The following SMARCA2 variants were observed in gnomAD, a reference collection of about 807,000 sequenced individuals.
The protein encoded by SMARCA2 is SWI/SNF related BAF chromatin remodeling complex subunit ATPase 2, also known as SWI/SNF-related matrix-associated actin-dependent regulator of chromatin subfamily A member 2.
Under a neutral mutation model 199.8 loss-of-function variants are expected in SMARCA2, and 61 were observed. That is an observed-to-expected ratio of 0.31 (90% confidence interval 0.25 to 0.38). SMARCA2 has a LOEUF of 0.38. SMARCA2 is among the 10% of genes least tolerant of loss of function. The pLI is 1.00. For synonymous variants in SMARCA2, 935 were observed against 732.0 expected, an observed-to-expected ratio of 1.28 and a Z score of -4.48; for missense variants, 1,344 against 2,012.2, an observed-to-expected ratio of 0.67 and a Z score of 6.35.
chr9:2,057,618 A>C (rs958027668), intron 7 of SMARCA2, among the ~76,000 whole-genome samples: 5 of 152,226 alleles, frequency 3.3e-5, no homozygotes, highest in Admixed American at 1.3e-4. Context: ...TGAAGGGCCT[A>C]GTTGAATGTT....
intron 25 of SMARCA2, among the ~76,000 whole-genome samples, chr9:2,117,585 G>A (rs577998931): frequency 1.2e-4 from 18 of 152,300 alleles, no homozygotes; most frequent in Admixed American, 6.5e-4. Flanking sequence ...TCAGCCAGTC[G>A]TCTCCACTAC....
At chr9:2,134,493 A>T (rs1453818177) in intron 27 of SMARCA2, among the ~76,000 whole-genome samples, 2 of 152,120 alleles carry the variant, frequency 1.3e-5, no homozygotes, top group African/African-American at 2.4e-5. Flanking sequence ...CCGCCTGCCA[A>T]CCTATACCCA....
At position 2,179,327 on chromosome 9, in the gene SMARCA2, G is replaced by C. The variant is rs570018947; in HGVS notation, c.4254-2244G>C. ...TGATGGAAACAACATATCCCAAGAA[G>C]TCTTCCATAGATAACTTCCAGGTCC... On this transcript the variant is annotated intron_variant, in intron 29 of 33. Transcript: ENST00000349721. 3.9e-5 allele frequency among the ~76,000 whole-genome samples: 6 copies of C among 152,334 alleles called. No homozygotes were observed. In the South Asian group the frequency reaches 1.2e-3, roughly 32 times the overall value.
At chr9:2,132,403 T>C (rs1824002459) in intron 27 of SMARCA2, among the ~76,000 whole-genome samples, 3 of 152,212 alleles carry the variant, frequency 2.0e-5, no homozygotes, top group Non-Finnish European at 2.9e-5. Context: ...GTGATTCTCG[T>C]AGATGTACTT....
chr9:2,127,678 G>C (rs57847257), intron 27 of SMARCA2, among the ~76,000 whole-genome samples: 1 of 152,154 alleles, frequency 6.6e-6, no homozygotes, highest in East Asian at 1.9e-4. Context: ...AGCTGCAAAG[G>C]AGATGGAAAT....
At chr9:2,101,809 C>G (rs1021978196) in intron 22 of SMARCA2, among the ~76,000 whole-genome samples, 193 bp downstream of exon 22, 2 of 152,206 alleles carry the variant, frequency 1.3e-5, no homozygotes, top group African/African-American at 4.8e-5. Context: ...TTGCCTTAAG[C>G]AAGTGGCTAT....
At chr9:2,111,506 AAAAAG>A (rs1375957266) in intron 24 of SMARCA2, among the ~76,000 whole-genome samples, 1 of 151,194 alleles carries the variant, frequency 6.6e-6, no homozygotes, top group Non-Finnish European at 1.5e-5. Context: ...AAAAAAAAAA[AAAAAG>A]AAAAGCAAAA....
chr9:2,124,010 G>A, intron 27 of SMARCA2, 73 bp downstream of exon 27: 1 of 1,245,208 alleles, frequency 8.0e-7, no homozygotes, highest in East Asian at 2.5e-5. Context: ...CAGGGGCCTA[G>A]AGCTGGGATT....
chr9:2,113,848 C>G (rs556581764), intron 24 of SMARCA2, among the ~76,000 whole-genome samples: 4 of 152,354 alleles, frequency 2.6e-5, no homozygotes, highest in Non-Finnish European at 4.4e-5. Flanking sequence ...CAGCAATCTA[C>G]TACTCGCGGG....
chr9:2,138,212 C>G (rs1199491566), intron 27 of SMARCA2, among the ~76,000 whole-genome samples: 1 of 151,886 alleles, frequency 6.6e-6, no homozygotes, highest in Non-Finnish European at 1.5e-5. Flanking sequence ...ATACATCTAA[C>G]TTAAAATTAA....
Position 2,104,069 on chromosome 9 carries a change from G to T in SMARCA2, c.3192G>T (p.Ala1064=), listed in dbSNP as rs770885495. 1.5e-5 allele frequency: 24 copies of T among 1,613,844 alleles called. No individual in the cohort carries two copies. Among genetic ancestry groups the T allele is most frequent in the Middle Eastern group, 3.3e-4 (2 of 6,084 alleles). The change falls in exon 23 of 34, where the codon GCG becomes GCT. Residue 1064 remains alanine, a synonymous_variant. Transcript: ENST00000349721. The surrounding 1 kb of genome is among the most constrained non-coding windows in gnomAD (Gnocchi z 4.0). ...ATCGTATTCTGCCAAAATTGAGAGC[G>T]ACTAATCACCGAGTGCTGCTTTTCT... is the stretch of plus-strand genomic sequence containing the variant. ...LLDRILPKLR[A]TNHRVLLFCQ...
chr9:2,167,086 T>A (rs549197112), intron 28 of SMARCA2, among the ~76,000 whole-genome samples: 2 of 152,346 alleles, frequency 1.3e-5, no homozygotes, highest in East Asian at 3.9e-4. Flanking sequence ...CATATTGAAA[T>A]TGGGACATTT....
intron 28 of SMARCA2, among the ~76,000 whole-genome samples, chr9:2,163,628 A>C (rs890137413): frequency 2.0e-5 from 3 of 152,230 alleles, no homozygotes; most frequent in African/African-American, 7.2e-5. Flanking sequence ...CTGTATATAC[A>C]TCAAACTTTT....
intron 1 of SMARCA2, among the ~76,000 whole-genome samples, chr9:2,018,887 G>C (rs933918548): frequency 5.9e-5 from 9 of 152,232 alleles, no homozygotes; most frequent in Non-Finnish European, 1.3e-4. Flanking sequence ...TGGAGTTTTA[G>C]GCTTCCAGGC....
intron 6 of SMARCA2, 141 bp downstream of exon 6, chr9:2,054,864 A>C: frequency 1.2e-6 from 1 of 839,188 alleles, no homozygotes; most frequent in East Asian, 2.8e-5. Context: ...TGAATCTTTT[A>C]GACCAACAGC....
chr9:2,018,781 G>GT (rs1034353855), intron 1 of SMARCA2, among the ~76,000 whole-genome samples: 18 of 152,318 alleles, frequency 1.2e-4, no homozygotes, highest in African/African-American at 4.3e-4. Context: ...CCAATGTTAT[G>GT]TGTGTGTATA....
intron 28 of SMARCA2, among the ~76,000 whole-genome samples, chr9:2,164,166 C>T (rs928544979): frequency 6.6e-6 from 1 of 152,164 alleles, no homozygotes; most frequent in Non-Finnish European, 1.5e-5. Context: ...GCCCGACTCA[C>T]TTCATTCATT....
intron 19 of SMARCA2, among the ~76,000 whole-genome samples, chr9:2,092,632 C>T (rs1474264591): frequency 6.6e-6 from 1 of 152,154 alleles, no homozygotes; most frequent in African/African-American, 2.4e-5. Flanking sequence ...AATGCTGAGC[C>T]AGTATAATGA....
chr9:2,049,967 A>G (rs923095464), intron 5 of SMARCA2, among the ~76,000 whole-genome samples: 1 of 152,218 alleles, frequency 6.6e-6, no homozygotes, highest in African/African-American at 2.4e-5. Flanking sequence ...AGCAAAAATC[A>G]TCTGTCAGAA....
Sources: gnomAD v4.1 joint callset for allele counts (sites outside exome capture counted in the v4.1 genomes callset) on GRCh38, gnomAD v4.1.1 for gene constraint, Gnocchi (gnomAD v3.1) non-coding constraint, MANE v1.5 for transcripts, NCBI Gene and HGNC (gene_info 2026-07-23, HGNC 2026-07-21) for gene names.